Variants in TRAPPC8 observed in about 807,000 individuals in gnomAD.
TRAPPC8 encodes the protein trafficking protein particle complex subunit 8, also known as general sporulation gene 1 homolog.
A neutral mutation model predicts 174.3 loss-of-function variants in TRAPPC8; 54 were observed. The ratio of observed to expected loss-of-function variants is 0.31; its 90% CI spans 0.25 to 0.39. TRAPPC8 has a LOEUF of 0.39. Among genes scored for constraint, TRAPPC8 ranks in the 10% least tolerant of loss-of-function variants. TRAPPC8 has a pLI of 1.00. For synonymous variants in TRAPPC8, 630 were observed against 579.9 expected (o/e 1.09, Z -1.24); for missense variants, 1,531 against 1,699.1 (o/e 0.90, Z 1.74).
At chr18:31,872,185 A>T (rs1320812355) in intron 14 of TRAPPC8, among the ~76,000 whole-genome samples, 2 of 152,128 alleles carry the variant, frequency 1.3e-5, no homozygotes, top group African/African-American at 4.8e-5. Context: ...CCAGTTATCG[A>T]TGGGAGCATG....
At chr18:31,908,487 T>G in intron 7 of TRAPPC8, 69 bp from the exon 8 acceptor site, 1 of 1,130,586 alleles carries the variant, frequency 8.8e-7, no homozygotes, top group Non-Finnish European at 1.2e-6. Flanking sequence ...TAAAAAAATT[T>G]TAACTAAAAA....
At chr18:31,837,430 C>T (rs950948282) in intron 27 of TRAPPC8, among the ~76,000 whole-genome samples, 2 of 152,178 alleles carry the variant, frequency 1.3e-5, no homozygotes, top group South Asian at 2.1e-4. Flanking sequence ...AGCGTGGTGG[C>T]TCACGCCTGT....
At position 31,857,771 on chromosome 18, in the gene TRAPPC8, G is replaced by C; in HGVS notation, c.2957C>G (p.Thr986Arg). The change falls in exon 20 of 29, where the codon ACA (threonine) becomes AGA (arginine). Residue 986 changes from threonine to arginine, a missense_variant. By Grantham distance (71) the Thr-to-Arg change is moderately conservative (BLOSUM62 -1). Transcript: ENST00000283351. Reference protein sequence around the residue: ...ENCSAYKTVVTDATSVCTALI... With the variant: ...ENCSAYKTVVRDATSVCTALI... ...TGCTGTACACACAGAGGTAGCATCT[G>C]TCACAACAGTCTTGTAAGCACTACA... The C allele has an allele frequency of 6.2e-7, 1 of 1,614,170 alleles. No homozygotes were observed. Among genetic ancestry groups the C allele is most frequent in the Non-Finnish European group, 8.5e-7 (1 of 1,180,028 alleles).
chr18:31,893,921 G>A (rs1040138301), intron 11 of TRAPPC8, among the ~76,000 whole-genome samples: 2 of 152,122 alleles, frequency 1.3e-5, no homozygotes, highest in Non-Finnish European at 2.9e-5. Context: ...ACCTGGATGG[G>A]CAGCAATCCT....
At chr18:31,846,585 A>G in intron 26 of TRAPPC8, 131 bp downstream of exon 26, 1 of 721,158 alleles carries the variant, frequency 1.4e-6, no homozygotes, top group South Asian at 2.0e-5. Context: ...CAAAACAACA[A>G]CAAAAAAAAC....
chr18:31,942,550 TC>T, intron 1 of TRAPPC8, 57 bp downstream of exon 1: 1 of 1,472,004 alleles, frequency 6.8e-7, no homozygotes, highest in Non-Finnish European at 9.1e-7. Flanking sequence ...GCCCGCAACT[TC>T]CTTCTCCCGA....
chr18:31,834,298 T>C (rs2032578642), intron 27 of TRAPPC8, among the ~76,000 whole-genome samples: 1 of 151,866 alleles, frequency 6.6e-6, no homozygotes, highest in African/African-American at 2.4e-5. Context: ...TTAGTAGAGA[T>C]GGGGTTTCAC....
intron 12 of TRAPPC8, among the ~76,000 whole-genome samples, chr18:31,878,150 A>G (rs969435758): frequency 2.1e-4 from 32 of 152,122 alleles, no homozygotes; most frequent in African/African-American, 7.7e-4. Flanking sequence ...CAAAGTCTAC[A>G]TGAACTGATG....
At chr18:31,867,793 C>T (rs1226318948) in intron 16 of TRAPPC8, among the ~76,000 whole-genome samples, 1 of 151,974 alleles carries the variant, frequency 6.6e-6, no homozygotes, top group Non-Finnish European at 1.5e-5. Flanking sequence ...GCAGGAGAAC[C>T]GCTTGAACCC....
At chr18:31,836,354 G>A (rs1276919289) in intron 27 of TRAPPC8, among the ~76,000 whole-genome samples, 1 of 152,124 alleles carries the variant, frequency 6.6e-6, no homozygotes, top group Non-Finnish European at 1.5e-5. Flanking sequence ...TTCTACTTTA[G>A]TTTGATCAAA....
At chr18:31,934,146 C>T (rs1198261001) in intron 1 of TRAPPC8, among the ~76,000 whole-genome samples, 9 of 151,784 alleles carry the variant, frequency 5.9e-5, no homozygotes, top group Non-Finnish European at 8.8e-5. Flanking sequence ...CAAGATTGCG[C>T]CACTGCACTC....
At chr18:31,926,794 A>G (rs2037633567) in intron 2 of TRAPPC8, among the ~76,000 whole-genome samples, 1 of 152,232 alleles carries the variant, frequency 6.6e-6, no homozygotes, top group Non-Finnish European at 1.5e-5. Context: ...TAATTGGCTA[A>G]GCAGTGAAGA....
At chr18:31,843,293 A>C (rs183145854) in intron 26 of TRAPPC8, among the ~76,000 whole-genome samples, 276 of 152,240 alleles carry the variant, frequency 1.8e-3, no homozygotes, top group Non-Finnish European at 2.7e-3. Context: ...TTCGGTTAAA[A>C]TTTTACCATT....
rs748173330 is a variant in TRAPPC8 at position 31,871,021 on chromosome 18, A to G, written c.2162T>C (p.Val721Ala). 2 of 1,611,442 alleles carry G rather than the reference A, an allele frequency of 1.2e-6. No individual in the cohort carries two copies. Among genetic ancestry groups the G allele is most frequent in the South Asian group, 2.2e-5 (2 of 90,714 alleles). ...ATTGGATGGAATTACTCCTTTGTTA[A>G]CCACAGAAACAACTTGTTCCTCAAG... ...RELEEQVVSV[V>A]NKGVIPSNFH... Residue 721 changes from valine (V) to alanine (A), a missense_variant, in exon 15 of 29, where the codon GTT becomes GCT. Val to Ala is a moderately conservative substitution (Grantham distance 64, BLOSUM62 0). Coordinates refer to ENST00000283351, the MANE Select transcript of TRAPPC8 (RefSeq NM_014939.5).
intron 12 of TRAPPC8, among the ~76,000 whole-genome samples, chr18:31,878,337 C>T (rs1461736048): frequency 6.6e-6 from 1 of 152,082 alleles, no homozygotes; most frequent in Non-Finnish European, 1.5e-5. Context: ...CCTGTTTTTA[C>T]CCTTTTTAAT....
rs199800623 is a variant in TRAPPC8, at chr18:31,837,573, C to T, written c.3983+1739G>A. Among the ~76,000 whole-genome samples the T allele has an allele frequency of 2.2e-4, 33 of 152,152 alleles. No homozygotes were observed. The East Asian group carries it at 5.8e-3, about 27-fold the overall frequency. Reference sequence around the variant, plus strand: ...CTGACCTGGTGGTGTACAGTGCATGCCTGTAATCCCAGCTACTCAAAGGCT... The same window carrying T: ...CTGACCTGGTGGTGTACAGTGCATGTCTGTAATCCCAGCTACTCAAAGGCT... On this transcript the variant is annotated intron_variant, in intron 27 of 28. Coordinates refer to ENST00000283351, the MANE Select transcript of TRAPPC8 (RefSeq NM_014939.5).
chr18:31,849,458 C>A, intron 25 of TRAPPC8, 108 bp downstream of exon 25: 1 of 1,006,778 alleles, frequency 9.9e-7, no homozygotes, highest in Non-Finnish European at 1.3e-6. Context: ...AATATTGAAA[C>A]TAGAAAAGAT....
chr18:31,893,000 G>A (rs1211255236), intron 11 of TRAPPC8, among the ~76,000 whole-genome samples: 4 of 144,556 alleles, frequency 2.8e-5, no homozygotes, highest in Non-Finnish European at 4.5e-5. Flanking sequence ...CTTGGTGAAC[G>A]AATGACGCCT....
chr18:31,849,736 T>C lies in TRAPPC8; in HGVS notation c.3565A>G (p.Ile1189Val), dbSNP rs36034613. Residue 1189 changes from isoleucine to valine, a missense_variant, in exon 25 of 29, where the codon ATA becomes GTA. By Grantham distance (29) the Ile-to-Val change is conservative (BLOSUM62 3). Coordinates refer to ENST00000283351, the MANE Select transcript of TRAPPC8 (RefSeq NM_014939.5). ...ADIIFGNEQI[I>V]SSASPCADFF... is the part of the protein sequence containing the mutation. Reference sequence around the variant, plus strand: ...TCTGCACATGGGCTTGCTGAACTTATTATCTGTTAAAAGAAAATCACTTGT... The same window carrying C: ...TCTGCACATGGGCTTGCTGAACTTACTATCTGTTAAAAGAAAATCACTTGT... The C allele has an allele frequency of 1.2e-3, 1,861 of 1,588,406 alleles. 27 individuals are homozygous for C. In the African/African-American group the frequency reaches 0.022, roughly 19 times the overall value.
Sources: allele counts gnomAD v4.1 joint callset (sites outside exome capture counted in the v4.1 genomes callset), GRCh38; gene constraint gnomAD v4.1.1; transcripts MANE v1.5; gene names NCBI Gene and HGNC (gene_info 2026-07-23, HGNC 2026-07-21).